Variants in GAREM2 observed in about 807,000 individuals in gnomAD.
The protein encoded by GAREM2 is GRB2 associated regulator of MAPK1 subtype 2.
In GAREM2, 30 loss-of-function variants were observed where a neutral mutation model predicts 55.6. The ratio of observed to expected loss-of-function variants is 0.54; its 90% CI spans 0.40 to 0.73. The LOEUF (loss-of-function observed/expected upper bound fraction) is 0.73. GAREM2 is among the 30% of genes least tolerant of loss of function. The probability of loss-of-function intolerance (pLI) is 0.00; values close to 1 mark genes in which losing one functional copy is unlikely to be tolerated. For missense variants in GAREM2, 1,075 were observed against 1,257.7 expected, an observed-to-expected ratio of 0.85 and a Z score of 2.20; for synonymous variants, 550 against 569.1, an observed-to-expected ratio of 0.97 and a Z score of 0.48.
chr2:26,175,161 C>T (rs1170680716), intron 1 of GAREM2, among the ~76,000 whole-genome samples: 2 of 152,182 alleles, frequency 1.3e-5, no homozygotes, highest in Non-Finnish European at 2.9e-5. Flanking sequence ...TAAACCATTT[C>T]CCATTTGATT....
intron 2 of GAREM2, chr2:26,181,107 G>A (rs1186674890): frequency 2.3e-5 from 23 of 985,306 alleles, no homozygotes; most frequent in South Asian, 4.7e-5. Flanking sequence ...CTGGTCTCCC[G>A]GTTATTTTAA....
the GAREM2 span, among the ~76,000 whole-genome samples, chr2:26,201,686 C>T: frequency 6.6e-6 from 1 of 152,174 alleles, no homozygotes; most frequent in Non-Finnish European, 1.5e-5. Context: ...TCTGGTAATT[C>T]TCTACCTATG....
downstream of GAREM2, chr2:26,194,645 A>G (rs774272303): frequency 2.3e-5 from 37 of 1,600,518 alleles, no homozygotes; most frequent in Middle Eastern, 3.7e-4. Context: ...CATCCTGCCA[A>G]GGAAGAGAAC....
downstream of GAREM2, among the ~76,000 whole-genome samples, chr2:26,194,013 T>C (rs1669588707): frequency 6.6e-6 from 1 of 152,224 alleles, no homozygotes; most frequent in Non-Finnish European, 1.5e-5. Flanking sequence ...GACTAAATTC[T>C]TCATTTTCTT....
chr2:26,195,055 T>C, the GAREM2 span: 1 of 1,580,604 alleles, frequency 6.3e-7, no homozygotes, highest in Non-Finnish European at 8.7e-7. Context: ...ATTAGAACTT[T>C]TCAAAAACTC....
downstream of GAREM2, among the ~76,000 whole-genome samples, chr2:26,190,191 CAT>C (rs1410832138): frequency 6.6e-6 from 1 of 152,188 alleles, no homozygotes; most frequent in Non-Finnish European, 1.5e-5. Flanking sequence ...GGACCAGGGA[CAT>C]ATTTGAAGTA....
downstream of GAREM2, chr2:26,191,111 G>C: frequency 1.2e-6 from 1 of 807,518 alleles, no homozygotes; most frequent in East Asian, 2.6e-5. Context: ...TTGGCTGAAG[G>C]CACTTTAATC....
At chr2:26,176,615 G>A in intron 2 of GAREM2, 131 bp downstream of exon 2, 1 of 768,984 alleles carries the variant, frequency 1.3e-6, no homozygotes, top group Non-Finnish European at 1.8e-6. Context: ...TCAGAGCCCA[G>A]CAGTTTTCAT....
At position 26,185,015 on chromosome 2, in the gene GAREM2, G is replaced by C. The variant is rs1437862627; in HGVS notation, c.1167G>C (p.Gly389=). The C allele has an allele frequency of 6.3e-5, 70 of 1,104,064 alleles. No individual in the cohort carries two copies. The highest frequency in any genetic ancestry group is 7.6e-5 in the Non-Finnish European group (69 of 907,278). 68.4% of individuals were successfully genotyped at this position (1,104,064 alleles called of 1,614,324 possible). The change falls in exon 4 of 6, where the codon GGG becomes GGC. Residue 389 remains glycine, a synonymous_variant. Transcript: ENST00000401533. ...RLCLPAPRAP[G]LARAPGPLAP... is the part of the protein sequence containing the mutation. ...GCCTGCCCGCGCCGCGCGCCCCCGGGCTCGCCCGCGCCCCCGGCCCGCTAG... is the reference window on the plus strand; with the variant it reads ...GCCTGCCCGCGCCGCGCGCCCCCGGCCTCGCCCGCGCCCCCGGCCCGCTAG...
intron 2 of GAREM2, among the ~76,000 whole-genome samples, chr2:26,178,154 C>T (rs1260377652): frequency 6.6e-6 from 1 of 152,226 alleles, no homozygotes; most frequent in Non-Finnish European, 1.5e-5. Flanking sequence ...TGTGGAAACT[C>T]ACTCAGATTT....
At position 26,184,781 on chromosome 2, in the gene GAREM2, G is replaced by T. The variant is rs1381711823; in HGVS notation, c.933G>T (p.Ala311=). 4 of 1,499,310 alleles carry T rather than the reference G, an allele frequency of 2.7e-6. No homozygotes were observed. In the South Asian group the frequency reaches 3.7e-5, roughly 14 times the overall value. 92.9% of individuals were successfully genotyped at this position (1,499,310 alleles called of 1,614,324 possible). ...TGGCGCTGCGCCGCGAGGGCCCGGC[G>T]CCGCTGCACTTCCTGCTGCTCACGG... ...LGLALRREGP[A]PLHFLLLTDT... Residue 311 remains alanine, a synonymous_variant, in exon 4 of 6, where the codon GCG becomes GCT. Coordinates refer to ENST00000401533, the MANE Select transcript of GAREM2 (RefSeq NM_001168241.2).
rs999184827 is a variant in GAREM2, at chr2:26,187,376, C to T, written c.1744C>T (p.Gln582Ter). The change falls in exon 6 of 6, where the codon CAG (glutamine) becomes TAG (stop). Residue 582 changes from glutamine (Q) to a stop codon, truncating the protein, a stop_gained. Transcript: ENST00000401533. LOFTEE classifies it high-confidence loss of function. ...CCTACCCTCAACCACACAGCCCAGCCAGGCCTCCCGGGCCCTCACAGAGCC... is the reference window on the plus strand; with the variant it reads ...CCTACCCTCAACCACACAGCCCAGCTAGGCCTCCCGGGCCCTCACAGAGCC... ...GPLPSTTQPS[Q>*]ASRALTEPLS... 1.3e-6 allele frequency: 2 copies of T among 1,547,274 alleles called. No homozygotes were observed. Among genetic ancestry groups the T allele is most frequent in the African/African-American group, 2.7e-5 (2 of 72,946 alleles).
At chr2:26,190,466 G>GATT (rs756339575), downstream of GAREM2, among the ~76,000 whole-genome samples, 44 of 152,158 alleles carry the variant, frequency 2.9e-4, no homozygotes, top group Non-Finnish European at 5.0e-4. Flanking sequence ...CGTGCTGCCT[G>GATT]ATTACCGCAC....
At position 26,182,962 on chromosome 2, in the gene GAREM2, T is replaced by C; in HGVS notation, c.254-5T>C. 1 of 1,551,616 alleles carries C rather than the reference T, an allele frequency of 6.4e-7. No homozygotes were observed. The highest frequency in any genetic ancestry group is 1.2e-5 in the South Asian group (1 of 84,054). On this transcript the variant is annotated splice_polypyrimidine_tract_variant and splice_region_variant and intron_variant, in intron 2 of 5. Coordinates refer to ENST00000401533, the MANE Select transcript of GAREM2 (RefSeq NM_001168241.2). ...CTCCAGCAACTTTTGTCACCCACTA[T>C]GCAGGGAAGTTCAAGCTCCTGGAAC...
At chr2:26,197,217 A>C in the GAREM2 span, among the ~76,000 whole-genome samples, 56 of 152,298 alleles carry the variant, frequency 3.7e-4, no homozygotes, top group African/African-American at 1.3e-3. Flanking sequence ...CATCATTCCA[A>C]ATACTCACAG....
downstream of GAREM2, chr2:26,190,892 A>ATTG (rs575072564): frequency 2.3e-3 from 840 of 370,742 alleles, 4 homozygotes; most frequent in African/African-American, 0.017. Context: ...TTTGGTTTTT[A>ATTG]TTGTTATGTG....
Position 26,185,203 on chromosome 2 carries a change from C to T in GAREM2, c.1355C>T (p.Ser452Phe), listed in dbSNP as rs1669205670. The T allele has an allele frequency of 2.0e-6, 3 of 1,521,426 alleles. No individual in the cohort carries two copies. The highest frequency in any genetic ancestry group is 2.6e-5 in the East Asian group (1 of 38,954). 94.2% of individuals were successfully genotyped at this position (1,521,426 alleles called of 1,614,324 possible). Residue 452 changes from serine to phenylalanine, a missense_variant, in exon 4 of 6, where the codon TCC (serine) becomes TTC (phenylalanine). Physicochemically the swap from Ser to Phe is radical, Grantham distance 155. Around this residue, in one of 6 missense-constraint regions of GAREM2, gnomAD observed 515 missense variants for 501.5 expected, o/e 1.03. Coordinates refer to ENST00000401533, the MANE Select transcript of GAREM2 (RefSeq NM_001168241.2). ...CCGCCCCCAGGGCTCGATCTCATCT[C>T]CTTCGGGGCCGCGGGACCGCCGCGT... ...VRPPPGLDLI[S>F]FGAAGPPRRE...
chr2:26,175,783 C>T (rs985714086), intron 1 of GAREM2, among the ~76,000 whole-genome samples: 3 of 152,210 alleles, frequency 2.0e-5, no homozygotes, highest in African/African-American at 7.2e-5. Flanking sequence ...TTATAAGGGA[C>T]AGTCCCGTCC....
At chr2:26,174,380 CT>C (rs147481776) in intron 1 of GAREM2, among the ~76,000 whole-genome samples, 1,689 of 152,338 alleles carry the variant, frequency 0.011, 25 homozygotes, top group African/African-American at 0.037. Flanking sequence ...ATGGAGGTCG[CT>C]GCCCTGGGGT....
Sources: gnomAD v4.1 joint callset for allele counts (sites outside exome capture counted in the v4.1 genomes callset) on GRCh38, gnomAD v4.1.1 for gene constraint, gnomAD v4.1.1 regional missense constraint, MANE v1.5 for transcripts, NCBI Gene and HGNC (gene_info 2026-07-23, HGNC 2026-07-21) for gene names.